Variants in PKNOX1 observed in about 807,000 individuals in gnomAD.
PKNOX1 encodes the protein homeobox protein PKNOX1.
Under a neutral mutation model 51.9 loss-of-function variants are expected in PKNOX1, and 15 were observed. The observed-to-expected ratio is 0.29, with a 90% CI of 0.19 to 0.45. The LOEUF is 0.45. PKNOX1 is among the 20% of genes least tolerant of loss of function. PKNOX1 has a pLI of 1.00. For synonymous variants in PKNOX1, 219 were observed against 211.1 expected (o/e 1.04, Z -0.32); for missense variants, 462 against 547.5 (o/e 0.84, Z 1.56).
At chr21:43,015,227 T>G (rs1206966390) in intron 5 of PKNOX1, among the ~76,000 whole-genome samples, 3 of 152,282 alleles carry the variant, frequency 2.0e-5, no homozygotes, top group Non-Finnish European at 2.9e-5. Flanking sequence ...TGCAGGTTTC[T>G]TTCTAGATGC....
chr21:43,021,561 C>G lies in PKNOX1; in HGVS notation c.849+130C>G. On this transcript the variant is annotated intron_variant, in intron 8 of 10. Coordinates refer to ENST00000291547, the MANE Select transcript of PKNOX1 (RefSeq NM_004571.5). The surrounding 1 kb of genome is among the most constrained non-coding windows in gnomAD (Gnocchi z 4.6). ...AGGCCTGACTTTCAGGACTTTGTGGCATGTCCATAATGTGGGGAGCGTGGG... is the reference window on the plus strand; with the variant it reads ...AGGCCTGACTTTCAGGACTTTGTGGGATGTCCATAATGTGGGGAGCGTGGG... 1 of 1,132,350 alleles carries G rather than the reference C, an allele frequency of 8.8e-7. No homozygotes were observed. The highest frequency in any genetic ancestry group is 1.2e-6 in the Non-Finnish European group (1 of 812,506). The allele number at this position is 1,132,350 out of a possible 1,614,324, so 70.1% of individuals were successfully genotyped here.
rs1048121360 is a variant in PKNOX1 at position 43,021,639 on chromosome 21, C to T, written c.849+208C>T. ...ATGAGGGCTGCCGTGAAGGAGCACCCGAGCACATGTGAGGCGTACACGTGT... is the reference window on the plus strand; with the variant it reads ...ATGAGGGCTGCCGTGAAGGAGCACCTGAGCACATGTGAGGCGTACACGTGT... On this transcript the variant is annotated intron_variant, in intron 8 of 10. Transcript: ENST00000291547. The surrounding 1 kb of genome is among the most constrained non-coding windows in gnomAD (Gnocchi z 4.6). Among the ~76,000 whole-genome samples the T allele has an allele frequency of 6.6e-6, 1 of 152,214 alleles. No individual in the cohort carries two copies. The highest frequency in any genetic ancestry group is 2.4e-5 in the African/African-American group (1 of 41,460).
intron 1 of PKNOX1, among the ~76,000 whole-genome samples, chr21:42,975,171 G>T (rs1292039828): frequency 1.4e-5 from 2 of 146,736 alleles, no homozygotes; most frequent in African/African-American, 4.9e-5. Context: ...GCCTCGCGGA[G>T]TCCTCAGGGC....
chr21:43,029,503 C>G (rs183822211), intron 10 of PKNOX1, among the ~76,000 whole-genome samples: 174 of 138,524 alleles, frequency 1.3e-3, no homozygotes, highest in Admixed American at 2.3e-3. Flanking sequence ...TCTCGGCTCA[C>G]TGAAACCTCT....
intron 2 of PKNOX1, among the ~76,000 whole-genome samples, chr21:43,007,218 C>A (rs1258727321): frequency 6.6e-6 from 1 of 152,176 alleles, no homozygotes; most frequent in African/African-American, 2.4e-5. Context: ...TGCACGTGTG[C>A]CGTTCTCTTC....
At chr21:42,989,022 C>G (rs2059071824) in intron 1 of PKNOX1, among the ~76,000 whole-genome samples, 1 of 151,746 alleles carries the variant, frequency 6.6e-6, no homozygotes, top group Non-Finnish European at 1.5e-5. Flanking sequence ...GGATGAGGAC[C>G]CCCTCACTGG....
intron 5 of PKNOX1, 42 bp from the exon 6 acceptor site, chr21:43,016,866 G>A (rs201150525): frequency 6.8e-5 from 91 of 1,341,524 alleles, no homozygotes; most frequent in Non-Finnish European, 8.9e-5. Flanking sequence ...TGGGTTTTCC[G>A]TTTTCTAGTA....
intron 1 of PKNOX1, among the ~76,000 whole-genome samples, chr21:42,988,723 A>G (rs2059069631): frequency 2.0e-5 from 3 of 151,920 alleles, no homozygotes; most frequent in Admixed American, 2.0e-4. Context: ...CTGATCCCCC[A>G]GGCCACTGGG....
At chr21:43,028,934 A>C in intron 10 of PKNOX1, 60 bp downstream of exon 10, 2 of 1,549,874 alleles carry the variant, frequency 1.3e-6, no homozygotes, top group Non-Finnish European at 1.8e-6. Context: ...TATGAACAAG[A>C]GGCCTGGATC....
chr21:43,006,290 A>C (rs1978984669), intron 2 of PKNOX1, among the ~76,000 whole-genome samples: 2 of 151,654 alleles, frequency 1.3e-5, no homozygotes, highest in African/African-American at 4.8e-5. Flanking sequence ...CGCCCAGCTA[A>C]TTTTTTTGTA....
intron 7 of PKNOX1, among the ~76,000 whole-genome samples, chr21:43,018,439 C>T (rs1979598726): frequency 7.9e-6 from 1 of 126,266 alleles, no homozygotes; most frequent in African/African-American, 3.1e-5. Flanking sequence ...TCTGAAAGAA[C>T]AGGAAAAAAG....
At chr21:43,006,653 C>T (rs1451892094) in intron 2 of PKNOX1, among the ~76,000 whole-genome samples, 2 of 152,186 alleles carry the variant, frequency 1.3e-5, no homozygotes, top group South Asian at 2.1e-4. Context: ...TGCGGGTGGG[C>T]GTTCATGGCT....
At chr21:42,976,346 C>T (rs1306934811) in intron 1 of PKNOX1, among the ~76,000 whole-genome samples, 2 of 152,180 alleles carry the variant, frequency 1.3e-5, no homozygotes, top group African/African-American at 2.4e-5. Flanking sequence ...TATACTTTGA[C>T]AATCTGGCCT....
intron 7 of PKNOX1, among the ~76,000 whole-genome samples, chr21:43,020,232 C>T (rs1979694709): frequency 6.6e-6 from 1 of 152,240 alleles, no homozygotes; most frequent in South Asian, 2.1e-4. Flanking sequence ...TGTGCCTGGA[C>T]TAAAGTTAGG....
chr21:42,983,214 G>T (rs1440066777), intron 1 of PKNOX1, among the ~76,000 whole-genome samples: 1 of 151,882 alleles, frequency 6.6e-6, no homozygotes, highest in Non-Finnish European at 1.5e-5. Flanking sequence ...TCATACTTTT[G>T]TACAGCCATC....
At chr21:42,983,495 T>G (rs2059037026) in intron 1 of PKNOX1, among the ~76,000 whole-genome samples, 2 of 152,190 alleles carry the variant, frequency 1.3e-5, no homozygotes, top group African/African-American at 2.4e-5. Context: ...GGCTGAATAC[T>G]CCATTGTGTG....
chr21:43,010,031 CTTT>C lies in PKNOX1; in HGVS notation c.180-16_180-14del. On this transcript the variant is annotated intron_variant, in intron 3 of 10. Coordinates refer to ENST00000291547, the MANE Select transcript of PKNOX1 (RefSeq NM_004571.5). ...CGGAGATGTAGAACGTAAATGGATT[CTTT>C]TTTTTCTTTTCTCCTCAGGCATCCA... 1 of 1,491,518 alleles carries C rather than the reference CTTT, an allele frequency of 6.7e-7. No homozygotes were observed. The highest frequency in any genetic ancestry group is 1.3e-5 in the South Asian group (1 of 75,864). The allele number at this position is 1,491,518 out of a possible 1,614,324, so 92.4% of individuals were successfully genotyped here. A position where few individuals can be genotyped will look rare whatever the true frequency, so the allele number is the denominator to read the frequency against.
chr21:43,021,344 AGAT>A lies in PKNOX1; in HGVS notation c.767_769del (p.Asp256del). 1 of 1,612,802 alleles carries A rather than the reference AGAT, an allele frequency of 6.2e-7. No homozygotes were observed. Among genetic ancestry groups the A allele is most frequent in the Non-Finnish European group, 8.5e-7 (1 of 1,179,038 alleles). On this transcript the variant is annotated inframe_deletion, in exon 8 of 11. Coordinates refer to ENST00000291547, the MANE Select transcript of PKNOX1 (RefSeq NM_004571.5). The surrounding 1 kb of genome is among the most constrained non-coding windows in gnomAD (Gnocchi z 4.6). The stretch of plus-strand genomic sequence containing the variant: ...ACCAAGATCTCAGCATCTTGCATCA[AGAT>A]GATGGTTCATCTAAGAACAAGAGGG...
chr21:42,990,773 G>C (rs77606884), intron 1 of PKNOX1, among the ~76,000 whole-genome samples: 2 of 152,200 alleles, frequency 1.3e-5, no homozygotes, highest in Non-Finnish European at 2.9e-5. Flanking sequence ...GGTTTGATGA[G>C]CAATGAAAAG....
Sources: allele counts gnomAD v4.1 joint callset (sites outside exome capture counted in the v4.1 genomes callset), GRCh38; gene constraint gnomAD v4.1.1; non-coding constraint Gnocchi (gnomAD v3.1); transcripts MANE v1.5; gene names NCBI Gene and HGNC (gene_info 2026-07-23, HGNC 2026-07-21).